TMEM108: variants seen among roughly 807,000 people sequenced by gnomAD.
TMEM108 encodes the protein cancer/testis antigen 124.
Under a neutral mutation model 35.1 loss-of-function variants are expected in TMEM108, and 12 were observed. The ratio of observed to expected loss-of-function variants is 0.34; its 90% confidence interval spans 0.22 to 0.55. The LOEUF is 0.55. Ranked by LOEUF, TMEM108 falls within the 20% of genes least tolerant of loss-of-function variation. The pLI is 0.89. For synonymous variants in TMEM108, 287 were observed against 308.6 expected (o/e 0.93, Z 0.73); for missense variants, 680 against 753.3 (o/e 0.90, Z 1.14).
chr3:133,132,106 C>T (rs1178512768), intron 2 of TMEM108, among the ~76,000 whole-genome samples: 2 of 152,152 alleles, frequency 1.3e-5, no homozygotes, highest in Non-Finnish European at 2.9e-5. Flanking sequence ...AAGCCATCTC[C>T]ATAACAGAAA....
chr3:133,312,537 G>A (rs1012016103), intron 3 of TMEM108, among the ~76,000 whole-genome samples: 7 of 152,354 alleles, frequency 4.6e-5, no homozygotes, highest in Middle Eastern at 3.4e-3. Flanking sequence ...GGACCCACCA[G>A]GCATGGGAGA....
chr3:133,364,006 G>A (rs2107799262), intron 3 of TMEM108, among the ~76,000 whole-genome samples: 1 of 152,310 alleles, frequency 6.6e-6, no homozygotes, highest in South Asian at 2.1e-4. Flanking sequence ...ATTGGGCAAG[G>A]CAGACTTAAA....
At chr3:133,361,035 C>T (rs188998959) in intron 3 of TMEM108, among the ~76,000 whole-genome samples, 4 of 152,386 alleles carry the variant, frequency 2.6e-5, no homozygotes, top group Admixed American at 2.0e-4. Flanking sequence ...CCTATTCCCA[C>T]TTCAAGATCG....
At chr3:133,208,861 T>C (rs1442714818) in intron 2 of TMEM108, among the ~76,000 whole-genome samples, 1 of 152,192 alleles carries the variant, frequency 6.6e-6, no homozygotes, top group African/African-American at 2.4e-5. Context: ...AATTTCCACC[T>C]CCTTCAGAAA....
At chr3:133,049,250 C>T (rs1288806903) in intron 2 of TMEM108, among the ~76,000 whole-genome samples, 1 of 152,112 alleles carries the variant, frequency 6.6e-6, no homozygotes, top group Admixed American at 6.5e-5. Flanking sequence ...TTGTCTAATA[C>T]AGTAGCCACT....
At chr3:133,139,446 G>C (rs550889245) in intron 2 of TMEM108, among the ~76,000 whole-genome samples, 4 of 152,262 alleles carry the variant, frequency 2.6e-5, no homozygotes, top group African/African-American at 9.6e-5. Flanking sequence ...TTTCTCATCT[G>C]TGTAATAAAG....
intron 2 of TMEM108, among the ~76,000 whole-genome samples, chr3:133,066,135 C>T (rs1352808627): frequency 6.6e-6 from 1 of 151,990 alleles, no homozygotes; most frequent in African/African-American, 2.4e-5. Flanking sequence ...AAGTAATTCC[C>T]ATTACTTAGA....
chr3:133,351,977 T>A (rs2072014787), intron 3 of TMEM108, among the ~76,000 whole-genome samples: 2 of 152,214 alleles, frequency 1.3e-5, no homozygotes, highest in Admixed American at 1.3e-4. Context: ...GGTTGAGAAC[T>A]ACTTATCATA....
intron 2 of TMEM108, among the ~76,000 whole-genome samples, chr3:133,114,594 C>G (rs1559836672): frequency 6.6e-6 from 1 of 152,088 alleles, no homozygotes; most frequent in Admixed American, 6.6e-5. Context: ...GTCACACTTG[C>G]TTGATTTGAT....
chr3:133,351,981 TATC>T (rs1171272339), intron 3 of TMEM108, among the ~76,000 whole-genome samples: 3 of 152,198 alleles, frequency 2.0e-5, no homozygotes, highest in Non-Finnish European at 4.4e-5. Context: ...GAGAACTACT[TATC>T]ATATACACAC....
chr3:133,379,171 C>A (rs1415443309), intron 3 of TMEM108, among the ~76,000 whole-genome samples: 1 of 152,192 alleles, frequency 6.6e-6, no homozygotes, highest in East Asian at 1.9e-4. Flanking sequence ...AGGGTTGAAC[C>A]TCCATAATTG....
At chr3:133,315,023 G>T (rs79423138) in intron 3 of TMEM108, among the ~76,000 whole-genome samples, 1 of 152,080 alleles carries the variant, frequency 6.6e-6, no homozygotes, top group Non-Finnish European at 1.5e-5. Context: ...ATCTTGTTTT[G>T]TCTCGGTTTT....
chr3:133,292,408 A>G (rs1947083288), intron 3 of TMEM108, among the ~76,000 whole-genome samples: 2 of 152,218 alleles, frequency 1.3e-5, no homozygotes, highest in Non-Finnish European at 2.9e-5. Context: ...AGTCCTCATT[A>G]GGCCCATTGC....
At chr3:133,143,137 G>A (rs571012660) in intron 2 of TMEM108, among the ~76,000 whole-genome samples, 110 of 152,312 alleles carry the variant, frequency 7.2e-4, no homozygotes, top group African/African-American at 2.5e-3. Context: ...CATACCCAGA[G>A]CTCTGGCCTC....
At chr3:133,279,806 C>A (rs760611705) in intron 3 of TMEM108, among the ~76,000 whole-genome samples, 1 of 152,198 alleles carries the variant, frequency 6.6e-6, no homozygotes, top group Non-Finnish European at 1.5e-5. Context: ...AGAATAGAAT[C>A]TATGAGCTTG....
intron 2 of TMEM108, among the ~76,000 whole-genome samples, chr3:133,158,750 A>C (rs969538127): frequency 2.6e-5 from 4 of 152,152 alleles, no homozygotes; most frequent in African/African-American, 4.8e-5. Context: ...AGAACTCAGC[A>C]TCTCAAGGAT....
At chr3:133,121,480 A>G (rs1363212007) in intron 2 of TMEM108, among the ~76,000 whole-genome samples, 1 of 152,218 alleles carries the variant, frequency 6.6e-6, no homozygotes, top group Non-Finnish European at 1.5e-5. Flanking sequence ...GCTATAGCTA[A>G]AAGGGAAAAA....
At chr3:133,121,694 C>T (rs1486670916) in intron 2 of TMEM108, among the ~76,000 whole-genome samples, 1 of 152,144 alleles carries the variant, frequency 6.6e-6, no homozygotes, top group Non-Finnish European at 1.5e-5. Context: ...TTATGTCTGG[C>T]TTTCAGAGAT....
intron 2 of TMEM108, among the ~76,000 whole-genome samples, chr3:133,069,481 G>A (rs901535598): frequency 2.6e-5 from 4 of 152,074 alleles, no homozygotes; most frequent in African/African-American, 9.7e-5. Context: ...CATGCATCTG[G>A]GGGACTTATT....
Sources: gnomAD v4.1 joint callset for allele counts (sites outside exome capture counted in the v4.1 genomes callset) on GRCh38, gnomAD v4.1.1 for gene constraint, MANE v1.5 for transcripts, NCBI Gene and HGNC (gene_info 2026-07-23, HGNC 2026-07-21) for gene names.